The following SHISA9 variants were observed in gnomAD, a reference collection of about 807,000 sequenced individuals.
SHISA9 encodes the protein protein shisa-9.
Under a neutral mutation model 38.0 loss-of-function variants are expected in SHISA9, and 13 were observed. The observed-to-expected ratio is 0.34, with a 90% CI of 0.22 to 0.54. The LOEUF is 0.54. Among genes scored for constraint, SHISA9 ranks in the 20% least tolerant of loss-of-function variants. SHISA9 has a pLI of 0.91. For missense variants in SHISA9, 538 were observed against 575.8 expected (o/e 0.93, Z 0.67); for synonymous variants, 275 against 242.0 (o/e 1.14, Z -1.27).
the SHISA9 span, among the ~76,000 whole-genome samples, chr16:13,380,436 A>G: frequency 6.6e-6 from 1 of 152,180 alleles, no homozygotes; most frequent in Non-Finnish European, 1.5e-5. Context: ...GGATTTTTCC[A>G]CAGTAATGTT....
At chr16:12,961,454 G>A (rs1020861318) in intron 2 of SHISA9, among the ~76,000 whole-genome samples, 11 of 152,144 alleles carry the variant, frequency 7.2e-5, no homozygotes, top group Admixed American at 4.6e-4. Flanking sequence ...AGAAGTGGAG[G>A]CGGTTCCATC....
the SHISA9 span, among the ~76,000 whole-genome samples, chr16:13,409,472 C>A: frequency 2.0e-5 from 3 of 152,236 alleles, no homozygotes; most frequent in African/African-American, 4.8e-5. Flanking sequence ...CCCACTTGGG[C>A]TCCTGCACCT....
chr16:13,499,574 A>C, the SHISA9 span, among the ~76,000 whole-genome samples: 1 of 152,152 alleles, frequency 6.6e-6, no homozygotes, highest in Non-Finnish European at 1.5e-5. Context: ...CTTCTTCTTA[A>C]TGCCTTTTTG....
intron 3 of SHISA9, among the ~76,000 whole-genome samples, chr16:13,212,047 G>C (rs55964705): frequency 0.025 from 3,764 of 152,282 alleles, 76 homozygotes; most frequent in South Asian, 0.06. Flanking sequence ...AGATCCACGG[G>C]GGGGATGTGG....
At chr16:13,430,919 T>C in the SHISA9 span, among the ~76,000 whole-genome samples, 1 of 59,850 alleles carries the variant, frequency 1.7e-5, no homozygotes, top group Non-Finnish European at 3.3e-5. Flanking sequence ...TTTCTGTTTC[T>C]AGAAAAAAAA....
At chr16:12,961,091 G>A (rs541775388) in intron 2 of SHISA9, among the ~76,000 whole-genome samples, 4 of 152,276 alleles carry the variant, frequency 2.6e-5, no homozygotes, top group Non-Finnish European at 4.4e-5. Flanking sequence ...GTCAGGGGAC[G>A]TTTTCCTGGG....
intron 2 of SHISA9, among the ~76,000 whole-genome samples, chr16:13,007,564 A>G (rs2866123): frequency 6.6e-6 from 1 of 152,120 alleles, no homozygotes; most frequent in Admixed American, 6.5e-5. Context: ...TTCATTACTG[A>G]AAAGCCTGAG....
At chr16:12,920,762 CGTGA>C (rs1480165624) in intron 2 of SHISA9, among the ~76,000 whole-genome samples, 1 of 152,168 alleles carries the variant, frequency 6.6e-6, no homozygotes, top group African/African-American at 2.4e-5. Flanking sequence ...AAGAAATCAA[CGTGA>C]GTACTTTCCT....
the SHISA9 span, among the ~76,000 whole-genome samples, chr16:13,558,578 C>T: frequency 1.3e-5 from 2 of 152,156 alleles, no homozygotes; most frequent in East Asian, 3.9e-4. Context: ...GATTCACTAA[C>T]ACTGAGCTCA....
the SHISA9 span, among the ~76,000 whole-genome samples, chr16:13,360,587 C>T: frequency 6.6e-6 from 1 of 152,144 alleles, no homozygotes; most frequent in South Asian, 2.1e-4. Flanking sequence ...ATTGAGGTCT[C>T]CCTAGCCATG....
At chr16:13,045,222 G>A (rs1346120547) in intron 2 of SHISA9, among the ~76,000 whole-genome samples, 1 of 152,182 alleles carries the variant, frequency 6.6e-6, no homozygotes, top group Non-Finnish European at 1.5e-5. Context: ...ACTTCATCTG[G>A]ATACTTACTA....
the SHISA9 span, among the ~76,000 whole-genome samples, chr16:13,300,915 A>C: frequency 1.7e-4 from 19 of 113,264 alleles, no homozygotes; most frequent in South Asian, 2.9e-4. Context: ...TTCCTCTCCC[A>C]CCTCCTCCTT....
chr16:13,322,621 A>C, the SHISA9 span, among the ~76,000 whole-genome samples: 6 of 152,204 alleles, frequency 3.9e-5, no homozygotes, highest in Admixed American at 1.3e-4. Context: ...AAAGCACCTC[A>C]GGCCAGAGAA....
the SHISA9 span, among the ~76,000 whole-genome samples, chr16:13,548,835 A>G: frequency 6.6e-6 from 1 of 152,224 alleles, no homozygotes; most frequent in Non-Finnish European, 1.5e-5. Flanking sequence ...TAGAACTACC[A>G]TATGATCCAG....
At chr16:13,314,203 A>T in the SHISA9 span, among the ~76,000 whole-genome samples, 904 of 150,230 alleles carry the variant, frequency 6.0e-3, 8 homozygotes, top group Non-Finnish European at 8.0e-3. Context: ...TTTTTATTTC[A>T]TTTTTTTTTA....
chr16:12,953,371 C>G (rs1404984186), intron 2 of SHISA9, among the ~76,000 whole-genome samples: 2 of 152,046 alleles, frequency 1.3e-5, no homozygotes, highest in African/African-American at 2.4e-5. Flanking sequence ...ATGATGAGCC[C>G]ATTTGGTAGA....
At chr16:13,001,132 T>C (rs2072519308) in intron 2 of SHISA9, among the ~76,000 whole-genome samples, 1 of 152,242 alleles carries the variant, frequency 6.6e-6, no homozygotes, top group Non-Finnish European at 1.5e-5. Flanking sequence ...TTCACCATGT[T>C]GGCCAGGCTA....
chr16:13,301,503 A>G, the SHISA9 span, among the ~76,000 whole-genome samples: 6 of 152,346 alleles, frequency 3.9e-5, no homozygotes, highest in African/African-American at 1.4e-4. Flanking sequence ...CTGGTGCACA[A>G]AAAGACATTT....
intron 2 of SHISA9, among the ~76,000 whole-genome samples, chr16:13,031,140 C>T (rs1162232372): frequency 1.3e-5 from 2 of 152,160 alleles, no homozygotes; most frequent in African/African-American, 4.8e-5. Context: ...ATGGGTCTTA[C>T]TCTAGGTATA....
Sources: gnomAD v4.1 joint callset for allele counts (sites outside exome capture counted in the v4.1 genomes callset) on GRCh38, gnomAD v4.1.1 for gene constraint, MANE v1.5 for transcripts, NCBI Gene and HGNC (gene_info 2026-07-23, HGNC 2026-07-21) for gene names.